SEPTIN9: variants seen among roughly 807,000 people sequenced by gnomAD.
SEPTIN9 encodes the protein septin-9.
Under a neutral mutation model 56.6 loss-of-function variants are expected in SEPTIN9, and 13 were observed. The observed-to-expected ratio is 0.23, with a 90% CI of 0.15 to 0.37. SEPTIN9 has a LOEUF of 0.37. Among genes scored for constraint, SEPTIN9 ranks in the 10% least tolerant of loss-of-function variants. The pLI, the probability that SEPTIN9 is intolerant of heterozygous loss-of-function variation, is 1.00. For synonymous variants in SEPTIN9, 332 were observed against 334.1 expected (o/e 0.99, Z 0.07); for missense variants, 650 against 823.1 (o/e 0.79, Z 2.57).
intron 3 of SEPTIN9, among the ~76,000 whole-genome samples, chr17:77,467,543 A>G (rs941154360): frequency 6.6e-6 from 1 of 152,080 alleles, no homozygotes; most frequent in Non-Finnish European, 1.5e-5. Context: ...CGGGCGCCTC[A>G]TCCCACACTG....
rs953809955 is a variant in SEPTIN9, at chr17:77,451,241, C to T, written c.722-30903C>T. 3.0e-6 allele frequency: 1 copy of T among 337,532 alleles called. No individual in the cohort carries two copies. The highest frequency in any genetic ancestry group is 2.2e-5 in the African/African-American group (1 of 44,890). The allele number at this position is 337,532 out of a possible 1,614,324, so 20.9% of individuals were successfully genotyped here. ...CGTGTGGCAGCTCCTTGGCGTCCCTCCCGTGCCTTCAGGTTGCTTCTGCGC... is the reference window on the plus strand; with the variant it reads ...CGTGTGGCAGCTCCTTGGCGTCCCTTCCGTGCCTTCAGGTTGCTTCTGCGC... On this transcript the variant is annotated intron_variant, in intron 3 of 11. Coordinates refer to ENST00000427177, the MANE Select transcript of SEPTIN9 (RefSeq NM_001113491.2). This position sits in a 1 kb window ranked among gnomAD's most constrained non-coding sequence, Gnocchi z 4.2.
rs1002988660 is a variant in SEPTIN9 at position 77,494,557 on chromosome 17, A to G, written c.1573+1481A>G. On this transcript the variant is annotated intron_variant, in intron 10 of 11. Transcript: ENST00000427177. ...TGAGAGACTGTCCCAAAGACCACAG[A>G]GCTTTTTGGGAAGCTGTTGCTCTAA... Among the ~76,000 whole-genome samples, 4 of 152,198 alleles carry G rather than the reference A, an allele frequency of 2.6e-5. No homozygotes were observed. The East Asian group carries it at 7.7e-4, about 29-fold the overall frequency.
rs1270432592 is a variant in SEPTIN9, at chr17:77,436,462, CAG to C, written c.721+33761_721+33762del. Reference sequence around the variant, plus strand: ...AGCAAAGAGCCTCACTTTCTCCCCGCAGATGGGACGGGGGCGGGGCTGGAGCC... The same window carrying C: ...AGCAAAGAGCCTCACTTTCTCCCCGCATGGGACGGGGGCGGGGCTGGAGCC... On this transcript the variant is annotated intron_variant, in intron 3 of 11. Transcript: ENST00000427177. The surrounding 1 kb of genome is among the most constrained non-coding windows in gnomAD (Gnocchi z 4.4). Among the ~76,000 whole-genome samples, 1 of 152,042 alleles carries C rather than the reference CAG, an allele frequency of 6.6e-6. No individual in the cohort carries two copies. Among genetic ancestry groups the C allele is most frequent in the Non-Finnish European group, 1.5e-5 (1 of 67,992 alleles).
Position 77,402,487 on chromosome 17 carries a change from G to A in SEPTIN9, c.505G>A (p.Ala169Thr). Reference protein sequence around the residue: ...ESAHRRMEPPASKVPEVPTAP... With the variant: ...ESAHRRMEPPTSKVPEVPTAP... ...AGCCCACCGGAGGATGGAGCCCCCT[G>A]CCTCCAAGGTCCCCGAGGTGCCCAC... is the stretch of plus-strand genomic sequence containing the variant. The change falls in exon 3 of 12, where the codon GCC (alanine) becomes ACC (threonine). Residue 169 changes from alanine (A) to threonine (T), a missense_variant. Physicochemically the swap from Ala to Thr is moderately conservative, Grantham distance 58. Around this residue, in one of 2 missense-constraint regions of SEPTIN9, gnomAD observed 317 missense variants for 329.1 expected, o/e 0.96. Coordinates refer to ENST00000427177, the MANE Select transcript of SEPTIN9 (RefSeq NM_001113491.2). This position sits in a 1 kb window ranked among gnomAD's most constrained non-coding sequence, Gnocchi z 6.6. The A allele has an allele frequency of 6.2e-7, 1 of 1,606,208 alleles. No homozygotes were observed. Among genetic ancestry groups the A allele is most frequent in the Non-Finnish European group, 8.5e-7 (1 of 1,176,770 alleles).
At position 77,451,500 on chromosome 17, in the gene SEPTIN9, C is replaced by G; in HGVS notation, c.722-30644C>G. ...GGGCGGGCCGCGGCTCTCGGCGCGT[C>G]CAGCGCAGCCCGACGTTCCGCTGCT... On this transcript the variant is annotated intron_variant, in intron 3 of 11. Transcript: ENST00000427177. The surrounding 1 kb of genome is among the most constrained non-coding windows in gnomAD (Gnocchi z 4.2). 1 of 985,854 alleles carries G rather than the reference C, an allele frequency of 1.0e-6. No homozygotes were observed. The highest frequency in any genetic ancestry group is 1.2e-6 in the Non-Finnish European group (1 of 830,244). 61.1% of individuals were successfully genotyped at this position (985,854 alleles called of 1,614,324 possible). A position where few individuals can be genotyped will look rare whatever the true frequency, so the allele number is the denominator to read the frequency against.
rs2037919837 is a variant in SEPTIN9 at position 77,450,416 on chromosome 17, G to A, written c.722-31728G>A. The stretch of plus-strand genomic sequence containing the variant: ...TGGCCCTCAGAAGGTGTCACCAAAG[G>A]CTTCTTTCCATTTGAGTGAATCCCT... On this transcript the variant is annotated intron_variant, in intron 3 of 11. Coordinates refer to ENST00000427177, the MANE Select transcript of SEPTIN9 (RefSeq NM_001113491.2). This position sits in a 1 kb window ranked among gnomAD's most constrained non-coding sequence, Gnocchi z 6.0. 1 of 933,758 alleles carries A rather than the reference G, an allele frequency of 1.1e-6. No individual in the cohort carries two copies. The highest frequency in any genetic ancestry group is 1.8e-5 in the African/African-American group (1 of 56,160). 57.8% of individuals were successfully genotyped at this position (933,758 alleles called of 1,614,324 possible).
At chr17:77,440,352 A>G (rs2037501186) in intron 3 of SEPTIN9, among the ~76,000 whole-genome samples, 1 of 151,972 alleles carries the variant, frequency 6.6e-6, no homozygotes, top group African/African-American at 2.4e-5. Context: ...ATGGGGTTTC[A>G]CCAAGTTGGC....
rs546683657 is a variant in SEPTIN9 at position 77,397,887 on chromosome 17, G to C, written c.77-4172G>C. On this transcript the variant is annotated intron_variant, in intron 2 of 11. Coordinates refer to ENST00000427177, the MANE Select transcript of SEPTIN9 (RefSeq NM_001113491.2). The stretch of plus-strand genomic sequence containing the variant: ...GCTGGTTTCGAACTCCTGACCTCAG[G>C]TGATCCGCCTGCCTTGGGCCTGCCT... Among the ~76,000 whole-genome samples, 79 of 152,260 alleles carry C rather than the reference G, an allele frequency of 5.2e-4. 1 individual carries two copies. In the South Asian group the frequency reaches 0.015, roughly 30 times the overall value.
intron 2 of SEPTIN9, among the ~76,000 whole-genome samples, chr17:77,366,575 T>C (rs2034576307): frequency 6.6e-6 from 1 of 152,184 alleles, no homozygotes; most frequent in South Asian, 2.1e-4. Context: ...GGTCATACTT[T>C]CCACCCAGTC....
intron 3 of SEPTIN9, among the ~76,000 whole-genome samples, chr17:77,457,366 C>T (rs1598405117): frequency 6.6e-6 from 1 of 152,216 alleles, no homozygotes; most frequent in African/African-American, 2.4e-5. Context: ...GAAGCTTGCT[C>T]CATCTCCCCA....
chr17:77,373,090 C>A, intron 2 of SEPTIN9: 1 of 650,528 alleles, frequency 1.5e-6, no homozygotes, highest in Non-Finnish European at 1.9e-6. Context: ...GCTGAGGCCG[C>A]GTCTCTCGCC....
Position 77,453,991 on chromosome 17 carries a change from G to C in SEPTIN9, c.722-28153G>C. 1.1e-6 allele frequency: 1 copy of C among 926,864 alleles called. No individual in the cohort carries two copies. Among genetic ancestry groups the C allele is most frequent in the Non-Finnish European group, 1.3e-6 (1 of 776,414 alleles). The allele number at this position is 926,864 out of a possible 1,614,324, so 57.4% of individuals were successfully genotyped here. A position where few individuals can be genotyped will look rare whatever the true frequency, so the allele number is the denominator to read the frequency against. ...GCAGCTTCCGTTATCTGGTTCTTCT[G>C]TACATGTAAGCCTTTCCCATACACC... On this transcript the variant is annotated intron_variant, in intron 3 of 11. Coordinates refer to ENST00000427177, the MANE Select transcript of SEPTIN9 (RefSeq NM_001113491.2). The surrounding 1 kb of genome is among the most constrained non-coding windows in gnomAD (Gnocchi z 4.4).
At chr17:77,398,722 C>A (rs759217157) in intron 2 of SEPTIN9, among the ~76,000 whole-genome samples, 9 of 152,226 alleles carry the variant, frequency 5.9e-5, no homozygotes, top group Non-Finnish European at 1.3e-4. Flanking sequence ...TATTCTCTTG[C>A]AGTTCTGGAG....
At chr17:77,357,670 G>A (rs1034490419) in intron 2 of SEPTIN9, among the ~76,000 whole-genome samples, 5 of 151,898 alleles carry the variant, frequency 3.3e-5, no homozygotes, top group Admixed American at 6.6e-5. Context: ...GCTGAAGTGC[G>A]GTGGTGCAGT....
At chr17:77,290,278 G>A (rs2031479098) in intron 1 of SEPTIN9, among the ~76,000 whole-genome samples, 1 of 142,718 alleles carries the variant, frequency 7.0e-6, no homozygotes, top group Non-Finnish European at 1.5e-5. Flanking sequence ...TTTTTTTTGA[G>A]ATGGAGTCTC....
intron 1 of SEPTIN9, 168 bp downstream of exon 1, chr17:77,281,722 T>G: frequency 1.6e-6 from 1 of 617,280 alleles, no homozygotes; most frequent in Non-Finnish European, 2.6e-6. Flanking sequence ...GTCGGGCCGC[T>G]TTCGACCTGA....
intron 3 of SEPTIN9, among the ~76,000 whole-genome samples, chr17:77,467,050 C>T (rs923389029): frequency 6.6e-5 from 10 of 152,282 alleles, no homozygotes; most frequent in East Asian, 5.8e-4. Flanking sequence ...TTACTAAATC[C>T]GCTCTGCCGG....
At position 77,487,690 on chromosome 17, in the gene SEPTIN9, C is replaced by T; in HGVS notation, c.1042+138C>T. ...GCAGGACTCCTCTGCCTTCCTGGAG[C>T]ACAGAGTGGGGGGTCAAGACCATCA... is the stretch of plus-strand genomic sequence containing the variant. On this transcript the variant is annotated intron_variant, in intron 5 of 11. Transcript: ENST00000427177. This position sits in a 1 kb window ranked among gnomAD's most constrained non-coding sequence, Gnocchi z 4.3. The T allele has an allele frequency of 1.5e-6, 1 of 666,492 alleles. No homozygotes were observed. Among genetic ancestry groups the T allele is most frequent in the Non-Finnish European group, 2.2e-6 (1 of 457,148 alleles). The allele number at this position is 666,492 out of a possible 1,614,324, so 41.3% of individuals were successfully genotyped here.
At chr17:77,345,929 TTG>T (rs1568005420) in intron 2 of SEPTIN9, among the ~76,000 whole-genome samples, 18 of 106,832 alleles carry the variant, frequency 1.7e-4, no homozygotes, top group East Asian at 9.7e-4. Flanking sequence ...TTTGTTTTTT[TTG>T]TTGTTTTGTT....
Sources: allele counts gnomAD v4.1 joint callset (sites outside exome capture counted in the v4.1 genomes callset), GRCh38; gene constraint gnomAD v4.1.1; regional missense constraint gnomAD v4.1.1; non-coding constraint Gnocchi (gnomAD v3.1); transcripts MANE v1.5; gene names NCBI Gene and HGNC (gene_info 2026-07-23, HGNC 2026-07-21).